KCNQ1OT1: variants seen among roughly 807,000 people sequenced by gnomAD.
KCNQ1OT1 encodes the protein KCNQ1 opposite strand/antisense transcript 1.
In KCNQ1OT1 at chr11:2,678,262, C is replaced by T; in HGVS notation, n.21733G>A. 1 of 398,392 alleles carries T rather than the reference C, an allele frequency of 2.5e-6. No homozygotes were observed. The highest frequency in any genetic ancestry group is 4.4e-6 in the Non-Finnish European group (1 of 225,976). 24.7% of individuals were successfully genotyped at this position (398,392 alleles called of 1,614,324 possible). On this transcript the variant is annotated non_coding_transcript_exon_variant, in exon 1 of 1. Coordinates refer to ENST00000597346, the Ensembl canonical transcript of KCNQ1OT1. The surrounding 1 kb of genome is among the most constrained non-coding windows in gnomAD (Gnocchi z 4.9). ...CTTATCTTAAATTCTGAAATAACCTCTCATCCTGAAATTGTTTTAATAAAT... is the reference window on the plus strand; with the variant it reads ...CTTATCTTAAATTCTGAAATAACCTTTCATCCTGAAATTGTTTTAATAAAT...
rs1055053914 is a variant in KCNQ1OT1, at chr11:2,683,435, G to T, written n.16560C>A. Reference sequence around the variant, plus strand: ...AAGCTTTCCCCAGGAATGGGTAACTGGAAAAATGTAGGAATTACATATGAT... The same window carrying T: ...AAGCTTTCCCCAGGAATGGGTAACTTGAAAAATGTAGGAATTACATATGAT... On this transcript the variant is annotated non_coding_transcript_exon_variant, in exon 1 of 1. Transcript: ENST00000597346. The surrounding 1 kb of genome is among the most constrained non-coding windows in gnomAD (Gnocchi z 4.7). The T allele has an allele frequency of 2.5e-6, 1 of 398,458 alleles. No homozygotes were observed. Among genetic ancestry groups the T allele is most frequent in the African/African-American group, 2.1e-5 (1 of 48,610 alleles). The allele number at this position is 398,458 out of a possible 1,614,324, so 24.7% of individuals were successfully genotyped here.
chr11:2,694,007 C>T, exon 1 of KCNQ1OT1: 2 of 398,722 alleles, frequency 5.0e-6, no homozygotes, highest in Non-Finnish European at 4.4e-6. Flanking sequence ...TCTAGGCCAC[C>T]TCCAACTTGG....
rs937040259 is a variant in KCNQ1OT1, at chr11:2,670,570, T to C, written n.29425A>G. ...GGGACTTGCCAGTATCACTGGGAGA[T>C]AGGAGCAGAAGCCAGGGCTCATTCC... On this transcript the variant is annotated non_coding_transcript_exon_variant, in exon 1 of 1. Transcript: ENST00000597346. The surrounding 1 kb of genome is among the most constrained non-coding windows in gnomAD (Gnocchi z 4.9). The C allele has an allele frequency of 1.5e-5, 6 of 397,464 alleles. No homozygotes were observed. The highest frequency in any genetic ancestry group is 8.3e-5 in the African/African-American group (4 of 48,214). The allele number at this position is 397,464 out of a possible 1,614,324, so 24.6% of individuals were successfully genotyped here.
At chr11:2,686,610 C>T (rs2133886823) in exon 1 of KCNQ1OT1, 2 of 398,690 alleles carry the variant, frequency 5.0e-6, no homozygotes, top group East Asian at 7.1e-5. Flanking sequence ...GCACTTTTCA[C>T]ATGAGCGTGG....
At chr11:2,637,054 C>CA (rs1477634472) in exon 1 of KCNQ1OT1, 3 of 151,990 alleles carry the variant, frequency 2.0e-5, no homozygotes, top group African/African-American at 7.2e-5. Flanking sequence ...TTTTTTATTG[C>CA]ATCTATTTGA....
chr11:2,685,198 T>C (rs941408174), exon 1 of KCNQ1OT1: 2 of 398,522 alleles, frequency 5.0e-6, no homozygotes, highest in African/African-American at 4.1e-5. Context: ...TTCGTGGGGA[T>C]GGCTGGCACA....
In KCNQ1OT1 at chr11:2,670,175, C is replaced by T. The variant is rs1369248695; in HGVS notation, n.29820G>A. 82 of 398,650 alleles carry T rather than the reference C, an allele frequency of 2.1e-4. No individual in the cohort carries two copies. In the East Asian group the frequency reaches 2.9e-3, roughly 14 times the overall value. 24.7% of individuals were successfully genotyped at this position (398,650 alleles called of 1,614,324 possible). On this transcript the variant is annotated non_coding_transcript_exon_variant, in exon 1 of 1. Coordinates refer to ENST00000597346, the Ensembl canonical transcript of KCNQ1OT1. This position sits in a 1 kb window ranked among gnomAD's most constrained non-coding sequence, Gnocchi z 4.9. Reference sequence around the variant, plus strand: ...TGTCGGGCCCATCTGCCAAGGCAAGCACCCACATTAAAGCAGAGTGAAGAG... The same window carrying T: ...TGTCGGGCCCATCTGCCAAGGCAAGTACCCACATTAAAGCAGAGTGAAGAG...
chr11:2,618,214 A>G (rs191635088), exon 1 of KCNQ1OT1: 18 of 398,540 alleles, frequency 4.5e-5, no homozygotes, highest in African/African-American at 3.7e-4. Flanking sequence ...TAAGGCAGCG[A>G]TATCAAATCT....
Position 2,658,550 on chromosome 11 carries a change from G to C in KCNQ1OT1, n.41445C>G. ...CTCATCTTTTATTTTCCCTACCCTA[G>C]CCCTAGAATCATCCATTCATCCAGA... On this transcript the variant is annotated non_coding_transcript_exon_variant, in exon 1 of 1. Transcript: ENST00000597346. This position sits in a 1 kb window ranked among gnomAD's most constrained non-coding sequence, Gnocchi z 4.9. 2.6e-6 allele frequency: 1 copy of C among 387,186 alleles called. No individual in the cohort carries two copies. Among genetic ancestry groups the C allele is most frequent in the South Asian group, 1.4e-4 (1 of 7,274 alleles). The allele number at this position is 387,186 out of a possible 1,614,324, so 24.0% of individuals were successfully genotyped here.
exon 1 of KCNQ1OT1, chr11:2,640,403 G>T: frequency 2.5e-6 from 1 of 398,428 alleles, no homozygotes; most frequent in Non-Finnish European, 4.4e-6. Context: ...CTCCATCCTT[G>T]ACCCCTCAAG....
chr11:2,615,548 C>T, exon 1 of KCNQ1OT1: 1 of 397,882 alleles, frequency 2.5e-6, no homozygotes, highest in Non-Finnish European at 4.4e-6. Flanking sequence ...TTTCACAAAT[C>T]CTCTTTAACA....
exon 1 of KCNQ1OT1, chr11:2,632,560 T>A: frequency 2.5e-6 from 1 of 398,368 alleles, no homozygotes; most frequent in Non-Finnish European, 4.4e-6. Flanking sequence ...TTGTAGATAT[T>A]TATGGGATAT....
exon 1 of KCNQ1OT1, chr11:2,685,055 T>C (rs894753157): frequency 2.3e-5 from 9 of 398,510 alleles, no homozygotes; most frequent in Non-Finnish European, 3.5e-5. Flanking sequence ...GGATTTAAAA[T>C]GTATGGGACA....
exon 1 of KCNQ1OT1, chr11:2,692,921 A>G (rs768277446): frequency 1.0e-5 from 4 of 398,528 alleles, no homozygotes; most frequent in Non-Finnish European, 1.8e-5. Context: ...AGCATGGCCT[A>G]TGTCCCAAGC....
At position 2,653,106 on chromosome 11, in the gene KCNQ1OT1, A is replaced by G. The variant is rs1849782937; in HGVS notation, n.46889T>C. The G allele has an allele frequency of 5.0e-6, 2 of 398,594 alleles. No individual in the cohort carries two copies. The highest frequency in any genetic ancestry group is 8.8e-6 in the Non-Finnish European group (2 of 226,116). The allele number at this position is 398,594 out of a possible 1,614,324, so 24.7% of individuals were successfully genotyped here. A position where few individuals can be genotyped will look rare whatever the true frequency, so the allele number is the denominator to read the frequency against. ...GCAGGGTGTGGAGAGAGGCTCACTG[A>G]AGGTTTGGGGAGATGAGGACTTGCA... On this transcript the variant is annotated non_coding_transcript_exon_variant, in exon 1 of 1. Transcript: ENST00000597346. The surrounding 1 kb of genome is among the most constrained non-coding windows in gnomAD (Gnocchi z 5.3).
Position 2,695,952 on chromosome 11 carries a change from C to G in KCNQ1OT1, n.4043G>C, listed in dbSNP as rs1850669383. 1 of 398,444 alleles carries G rather than the reference C, an allele frequency of 2.5e-6. No individual in the cohort carries two copies. The highest frequency in any genetic ancestry group is 2.1e-5 in the African/African-American group (1 of 48,596). The allele number at this position is 398,444 out of a possible 1,614,324, so 24.7% of individuals were successfully genotyped here. A position where few individuals can be genotyped will look rare whatever the true frequency, so the allele number is the denominator to read the frequency against. On this transcript the variant is annotated non_coding_transcript_exon_variant, in exon 1 of 1. Coordinates refer to ENST00000597346, the Ensembl canonical transcript of KCNQ1OT1. The surrounding 1 kb of genome is among the most constrained non-coding windows in gnomAD (Gnocchi z 5.2). The stretch of plus-strand genomic sequence containing the variant: ...GGTATATTTTAGCTGTTGTTCCCTC[C>G]TCAGCTTTAATTGTTTCAAATATCT...
chr11:2,620,223 TA>T lies in KCNQ1OT1; in HGVS notation n.79771del, dbSNP rs1849146016. On this transcript the variant is annotated non_coding_transcript_exon_variant, in exon 1 of 1. Coordinates refer to ENST00000597346, the Ensembl canonical transcript of KCNQ1OT1. This position sits in a 1 kb window ranked among gnomAD's most constrained non-coding sequence, Gnocchi z 4.5. ...TGTATATATATATATTTTTTTTTTTTATTTTTTTTTTAGACGGAGTTTCGCT... is the reference window on the plus strand; with the variant it reads ...TGTATATATATATATTTTTTTTTTTTTTTTTTTTTTAGACGGAGTTTCGCT... 2.6e-5 allele frequency: 7 copies of T among 271,032 alleles called. No homozygotes were observed. The highest frequency in any genetic ancestry group is 3.3e-5 in the Non-Finnish European group (5 of 150,400). The allele number at this position is 271,032 out of a possible 1,614,324, so 16.8% of individuals were successfully genotyped here.
Position 2,687,164 on chromosome 11 carries a change from A to G in KCNQ1OT1, n.12831T>C, listed in dbSNP as rs1850504294. ...TCTGAGCCAGCTTCCTCCACAAAGC[A>G]CAGAAGTCTGCCAAAAGCCCAGGCT... On this transcript the variant is annotated non_coding_transcript_exon_variant, in exon 1 of 1. Transcript: ENST00000597346. The surrounding 1 kb of genome is among the most constrained non-coding windows in gnomAD (Gnocchi z 5.0). The G allele has an allele frequency of 2.5e-6, 1 of 398,634 alleles. No homozygotes were observed. 24.7% of individuals were successfully genotyped at this position (398,634 alleles called of 1,614,324 possible). A position where few individuals can be genotyped will look rare whatever the true frequency, so the allele number is the denominator to read the frequency against.
rs943784838 is a variant in KCNQ1OT1 at position 2,611,052 on chromosome 11, A to G, written n.88943T>C. The G allele has an allele frequency of 5.0e-6, 2 of 398,230 alleles. No individual in the cohort carries two copies. The highest frequency in any genetic ancestry group is 8.8e-6 in the Non-Finnish European group (2 of 226,024). 24.7% of individuals were successfully genotyped at this position (398,230 alleles called of 1,614,324 possible). A position where few individuals can be genotyped will look rare whatever the true frequency, so the allele number is the denominator to read the frequency against. ...TTCATTTCTGACAGTTTTATTTCAT[A>G]TACTTCAGGGCTGTGTTTTTAGCTG... On this transcript the variant is annotated non_coding_transcript_exon_variant, in exon 1 of 1. Transcript: ENST00000597346. The surrounding 1 kb of genome is among the most constrained non-coding windows in gnomAD (Gnocchi z 5.3).
Sources: allele counts gnomAD v4.1 joint callset, GRCh38; gene constraint gnomAD v4.1.1; non-coding constraint Gnocchi (gnomAD v3.1); transcripts MANE v1.5; gene names NCBI Gene and HGNC (gene_info 2026-07-23, HGNC 2026-07-21).